The following LHFPL3 variants were observed in gnomAD, a reference collection of about 807,000 sequenced individuals.
LHFPL3 encodes the protein LHFPL tetraspan subfamily member 3 protein.
A neutral mutation model predicts 19.3 loss-of-function variants in LHFPL3; 5 were observed. The ratio of observed to expected loss-of-function variants is 0.26; its 90% CI spans 0.14 to 0.54. LHFPL3 has a LOEUF of 0.54. Among genes scored for constraint, LHFPL3 ranks in the 20% least tolerant of loss-of-function variants. The probability of loss-of-function intolerance (pLI) is 0.94; values close to 1 mark genes in which losing one functional copy is unlikely to be tolerated. For missense variants in LHFPL3, 249 were observed against 307.4 expected (o/e 0.81, Z 1.42); for synonymous variants, 133 against 126.2 (o/e 1.05, Z -0.36).
intron 1 of LHFPL3, among the ~76,000 whole-genome samples, chr7:104,632,239 T>C (rs1791657574): frequency 6.6e-6 from 1 of 152,202 alleles, no homozygotes; most frequent in Non-Finnish European, 1.5e-5. Context: ...TCGCTTTGTA[T>C]ATTTACGTAG....
intron 1 of LHFPL3, among the ~76,000 whole-genome samples, chr7:104,444,844 C>G (rs999776437): frequency 3.2e-4 from 48 of 152,164 alleles, no homozygotes; most frequent in African/African-American, 1.1e-3. Flanking sequence ...CAAAATTAGC[C>G]AGGTATGATG....
At chr7:104,609,077 C>T (rs1304811665) in intron 1 of LHFPL3, among the ~76,000 whole-genome samples, 1 of 151,756 alleles carries the variant, frequency 6.6e-6, no homozygotes, top group African/African-American at 2.4e-5. Context: ...CCAGCCTGAC[C>T]AACATGGTGA....
chr7:104,428,978 A>G (rs1013310728), intron 1 of LHFPL3, among the ~76,000 whole-genome samples: 2 of 152,200 alleles, frequency 1.3e-5, no homozygotes, highest in African/African-American at 4.8e-5. Flanking sequence ...CAAACCAGCT[A>G]AATCCACCCT....
intron 1 of LHFPL3, among the ~76,000 whole-genome samples, chr7:104,396,642 G>GAAAAAAAAAAAAA (rs71153193): frequency 7.3e-6 from 1 of 137,518 alleles, no homozygotes; most frequent in African/African-American, 2.7e-5. Context: ...TACAAAATTA[G>GAAAAAAAAAAAAA]AAAAAAAAAA....
At chr7:104,700,417 A>G (rs1793080847) in intron 1 of LHFPL3, among the ~76,000 whole-genome samples, 1 of 152,170 alleles carries the variant, frequency 6.6e-6, no homozygotes, top group Non-Finnish European at 1.5e-5. Flanking sequence ...CTCATTGCCC[A>G]TGGATCTCTC....
intron 1 of LHFPL3, among the ~76,000 whole-genome samples, chr7:104,453,820 C>T (rs1487786459): frequency 6.6e-6 from 1 of 152,076 alleles, no homozygotes; most frequent in Non-Finnish European, 1.5e-5. Flanking sequence ...CCCCCTGCCC[C>T]ACTTCCCTCA....
chr7:104,553,267 A>T (rs554665657), intron 1 of LHFPL3, among the ~76,000 whole-genome samples: 2 of 152,290 alleles, frequency 1.3e-5, no homozygotes, highest in Admixed American at 1.3e-4. Flanking sequence ...AATTGAAGCC[A>T]GGATTTGGCC....
At chr7:104,413,743 A>G (rs1045331346) in intron 1 of LHFPL3, among the ~76,000 whole-genome samples, 3 of 152,198 alleles carry the variant, frequency 2.0e-5, no homozygotes, top group African/African-American at 7.2e-5. Context: ...TCTTCTACAG[A>G]TGTGAGTGTT....
At chr7:104,664,815 C>A (rs4513902) in intron 1 of LHFPL3, among the ~76,000 whole-genome samples, 68,569 of 151,926 alleles carry the variant, frequency 0.45, 16,133 homozygotes, top group East Asian at 0.76. Context: ...AAAGTGCCAT[C>A]TATCACCTCC....
At chr7:104,668,913 G>A in intron 1 of LHFPL3, 2 of 1,612,434 alleles carry the variant, frequency 1.2e-6, no homozygotes, top group Non-Finnish European at 1.7e-6. Flanking sequence ...AGCGTCAGCT[G>A]GATGGGCCAA....
chr7:104,363,216 G>T (rs1790423796), intron 1 of LHFPL3, among the ~76,000 whole-genome samples: 2 of 152,222 alleles, frequency 1.3e-5, no homozygotes, highest in Admixed American at 6.5e-5. Context: ...GCTCAGGAAT[G>T]AACCAAGGGC....
At chr7:104,456,019 G>A (rs575162837) in intron 1 of LHFPL3, among the ~76,000 whole-genome samples, 6 of 152,234 alleles carry the variant, frequency 3.9e-5, no homozygotes, top group Middle Eastern at 3.4e-3. Context: ...AAATATGTTT[G>A]TTTTCTGTAT....
chr7:104,391,622 G>A (rs56403598), intron 1 of LHFPL3, among the ~76,000 whole-genome samples: 9,846 of 152,174 alleles, frequency 0.065, 339 homozygotes, highest in Middle Eastern at 0.092. Flanking sequence ...GTAGTGTGAC[G>A]CCTCTAGCTT....
Position 104,440,044 on chromosome 7 carries a change from G to GGGGC in LHFPL3, c.445+110821_445+110822insGGCG, listed in dbSNP as rs563683940. 2.9e-3 allele frequency among the ~76,000 whole-genome samples: 412 copies of GGGGC among 143,850 alleles called. 5 individuals are homozygous for GGGGC. Among genetic ancestry groups the GGGGC allele is most frequent in the South Asian group, 4.7e-3 (19 of 4,032 alleles). 94.4% of individuals were successfully genotyped at this position (143,850 alleles called of 152,430 possible). ...TATATAATACAAAGCCTGGGGGGGGGGAGGGATAGCATTAGGAGATATACC... is the reference window on the plus strand; with the variant it reads ...TATATAATACAAAGCCTGGGGGGGGGGGGCGAGGGATAGCATTAGGAGATATACC... On this transcript the variant is annotated intron_variant, in intron 1 of 2. Coordinates refer to ENST00000424859, the MANE Select transcript of LHFPL3 (RefSeq NM_199000.3).
At chr7:104,525,133 G>A (rs1310354375) in intron 1 of LHFPL3, among the ~76,000 whole-genome samples, 1 of 152,168 alleles carries the variant, frequency 6.6e-6, no homozygotes, top group African/African-American at 2.4e-5. Context: ...GCTCCTCAAT[G>A]TGTATCACAC....
At chr7:104,388,443 A>G (rs1487629385) in intron 1 of LHFPL3, among the ~76,000 whole-genome samples, 3 of 152,156 alleles carry the variant, frequency 2.0e-5, no homozygotes, top group Non-Finnish European at 4.4e-5. Flanking sequence ...TTAAGTCCAG[A>G]AGGCAGTGGA....
chr7:104,461,806 A>T (rs1223809298), intron 1 of LHFPL3, among the ~76,000 whole-genome samples: 2 of 152,172 alleles, frequency 1.3e-5, no homozygotes, highest in Non-Finnish European at 2.9e-5. Context: ...TGGTAGTTTA[A>T]TAGGAATAGC....
In LHFPL3 at chr7:104,821,425, T is replaced by G. The variant is rs117276923; in HGVS notation, c.682+84514T>G. On this transcript the variant is annotated intron_variant, in intron 2 of 2. Coordinates refer to ENST00000424859, the MANE Select transcript of LHFPL3 (RefSeq NM_199000.3). Reference sequence around the variant, plus strand: ...TGGGCAAGAGCCGGTTTCATGCAGATTCACTGTCAAGTGAAGGCTGAGGTA... The same window carrying G: ...TGGGCAAGAGCCGGTTTCATGCAGAGTCACTGTCAAGTGAAGGCTGAGGTA... 2.0e-5 allele frequency among the ~76,000 whole-genome samples: 3 copies of G among 152,340 alleles called. No individual in the cohort carries two copies. The East Asian group carries it at 5.8e-4, about 29-fold the overall frequency.
intron 2 of LHFPL3, among the ~76,000 whole-genome samples, chr7:104,899,994 A>G (rs1792451942): frequency 6.6e-6 from 1 of 152,172 alleles, no homozygotes; most frequent in Admixed American, 6.5e-5. Context: ...GGCCTCCCAA[A>G]GTGCTGGGAT....
Sources: gnomAD v4.1 joint callset for allele counts (sites outside exome capture counted in the v4.1 genomes callset) on GRCh38, gnomAD v4.1.1 for gene constraint, MANE v1.5 for transcripts, NCBI Gene and HGNC (gene_info 2026-07-23, HGNC 2026-07-21) for gene names.